GRIP2: variants seen among roughly 807,000 people sequenced by gnomAD.
The protein encoded by GRIP2 is glutamate receptor interacting protein 2, also known as glutamate receptor-interacting protein 2.
GRIP2 carries 58 observed loss-of-function variants against 108.3 expected under a neutral mutation model. The ratio of observed to expected loss-of-function variants is 0.54; its 90% CI spans 0.43 to 0.67. The LOEUF is 0.67. Ranked by LOEUF, GRIP2 falls within the 30% of genes least tolerant of loss-of-function variation. The pLI is 0.00. For missense variants in GRIP2, 1,278 were observed against 1,430.6 expected (o/e 0.89, Z 1.72); for synonymous variants, 586 against 598.2 (o/e 0.98, Z 0.30).
intron 4 of GRIP2, chr3:14,523,918 T>TGG: frequency 1.8e-6 from 1 of 562,874 alleles, no homozygotes; most frequent in South Asian, 2.3e-5. Context: ...GGCCTGCCCA[T>TGG]GCTCACAGAG....
intron 19 of GRIP2, 145 bp downstream of exon 19, chr3:14,506,656 G>A (rs1693935709): frequency 4.1e-6 from 3 of 723,606 alleles, no homozygotes; most frequent in Non-Finnish European, 6.3e-6. Context: ...GCCAAATCAG[G>A]TCTTCCTTCA....
chr3:14,602,624 C>A, the GRIP2 span, among the ~76,000 whole-genome samples: 20 of 151,776 alleles, frequency 1.3e-4, no homozygotes, highest in African/African-American at 4.8e-4. This position sits in a 1 kb window ranked among gnomAD's most constrained non-coding sequence, Gnocchi z 4.7. Context: ...AGGGCTCAGA[C>A]CCTTCGCTCC....
the GRIP2 span, among the ~76,000 whole-genome samples, chr3:14,575,504 C>T: frequency 6.6e-6 from 1 of 152,234 alleles, no homozygotes; most frequent in Admixed American, 6.5e-5. Flanking sequence ...AAGCCCCCAG[C>T]ATAGCAGCCG....
the GRIP2 span, among the ~76,000 whole-genome samples, chr3:14,564,309 G>A: frequency 6.6e-6 from 1 of 152,222 alleles, no homozygotes; most frequent in Admixed American, 6.5e-5. Context: ...CGCGTGGGTG[G>A]AGGTGTCGGA....
At chr3:14,504,575 G>T (rs528144760) in intron 20 of GRIP2, among the ~76,000 whole-genome samples, 5 of 152,298 alleles carry the variant, frequency 3.3e-5, no homozygotes, top group Admixed American at 3.3e-4. Flanking sequence ...CTCCTGAAGT[G>T]CTGGGATTAC....
At chr3:14,555,291 G>A (rs1695218981) in intron 1 of GRIP2, among the ~76,000 whole-genome samples, 1 of 148,118 alleles carries the variant, frequency 6.8e-6, no homozygotes, top group Admixed American at 6.7e-5. Flanking sequence ...CACACACAGC[G>A]CCCCTGCCAG....
chr3:14,540,399 G>A (rs781694428), upstream of GRIP2: 7 of 1,608,138 alleles, frequency 4.4e-6, no homozygotes, highest in African/African-American at 8.0e-5. The surrounding 1 kb of genome is among the most constrained non-coding windows in gnomAD (Gnocchi z 4.1). Context: ...GGCTGTGGGA[G>A]GGAAGCTCAC....
At chr3:14,498,384 G>A (rs769437646) in intron 21 of GRIP2, among the ~76,000 whole-genome samples, 1 of 152,146 alleles carries the variant, frequency 6.6e-6, no homozygotes, top group Non-Finnish European at 1.5e-5. Context: ...GATCAGCTGA[G>A]CCTGGGAGGT....
In GRIP2 at chr3:14,507,666, C is replaced by A. The variant is rs774813464; in HGVS notation, c.2113G>T (p.Ala705Ser). 4.9e-5 allele frequency: 79 copies of A among 1,613,848 alleles called. No homozygotes were observed. Among genetic ancestry groups the A allele is most frequent in the Non-Finnish European group, 2.5e-6 (3 of 1,179,886 alleles). ...CCCTTGAGGCTAACGTTGTTGATGGCCAGAATGCGGTCCCCCACGTGGATG... is the reference window on the plus strand; with the variant it reads ...CCCTTGAGGCTAACGTTGTTGATGGACAGAATGCGGTCCCCCACGTGGATG... ...GAIHVGDRIL[A>S]INNVSLKGRP... The change falls in exon 18 of 24, where the codon GCC becomes TCC. Residue 705 changes from alanine to serine, a missense_variant. Transcript: ENST00000621039. The surrounding 1 kb of genome is among the most constrained non-coding windows in gnomAD (Gnocchi z 4.6).
chr3:14,538,094 C>T (rs1694875798), intron 1 of GRIP2, among the ~76,000 whole-genome samples: 1 of 151,858 alleles, frequency 6.6e-6, no homozygotes, highest in African/African-American at 2.4e-5. Flanking sequence ...GAGAAGGGAC[C>T]CACCCAGAGT....
chr3:14,507,465 G>A lies in GRIP2; in HGVS notation c.2218+96C>T, dbSNP rs1178051861. 5.5e-6 allele frequency: 8 copies of A among 1,457,336 alleles called. No individual in the cohort carries two copies. Among genetic ancestry groups the A allele is most frequent in the Non-Finnish European group, 7.6e-6 (8 of 1,052,650 alleles). 90.3% of individuals were successfully genotyped at this position (1,457,336 alleles called of 1,614,324 possible). A position where few individuals can be genotyped will look rare whatever the true frequency, so the allele number is the denominator to read the frequency against. The stretch of plus-strand genomic sequence containing the variant: ...AGGCCCGCCTCCACAGGGCTGCAGT[G>A]AGGACTCTGTGAGGGTGTGCAGGCA... On this transcript the variant is annotated intron_variant, in intron 18 of 23. Coordinates refer to ENST00000621039, the MANE Select transcript of GRIP2 (RefSeq NM_001080423.4). The surrounding 1 kb of genome is among the most constrained non-coding windows in gnomAD (Gnocchi z 4.6).
Position 14,489,767 on chromosome 3 carries a change from C to T in GRIP2, c.*3898G>A, listed in dbSNP as rs1175166129. 1 of 152,300 alleles carries T rather than the reference C, an allele frequency of 6.6e-6. No homozygotes were observed. The allele number at this position is 152,300 out of a possible 1,614,324, so 9.4% of individuals were successfully genotyped here. On this transcript the variant is annotated 3_prime_UTR_variant, in exon 24 of 24. Transcript: ENST00000621039. Reference sequence around the variant, plus strand: ...CACCTGCTGCGGCTTTCAGTCCCTCCTCTTTAGCCTTGGGCTGACCTGCCA... The same window carrying T: ...CACCTGCTGCGGCTTTCAGTCCCTCTTCTTTAGCCTTGGGCTGACCTGCCA...
chr3:14,593,232 G>C, the GRIP2 span, among the ~76,000 whole-genome samples: 2 of 152,184 alleles, frequency 1.3e-5, no homozygotes, highest in East Asian at 3.8e-4. Context: ...CTTACATCTT[G>C]AGAGAATATT....
chr3:14,572,817 G>A, the GRIP2 span: 1 of 874,948 alleles, frequency 1.1e-6, no homozygotes, highest in South Asian at 1.5e-5. Context: ...CTGGCCTGCT[G>A]GAGCGCATGG....
At chr3:14,567,431 C>T in the GRIP2 span, among the ~76,000 whole-genome samples, 27 of 152,228 alleles carry the variant, frequency 1.8e-4, no homozygotes, top group Admixed American at 8.5e-4. Flanking sequence ...CACATGGCAT[C>T]CCAGGAGTCA....
chr3:14,565,542 A>G, the GRIP2 span, among the ~76,000 whole-genome samples: 1 of 151,722 alleles, frequency 6.6e-6, no homozygotes, highest in Admixed American at 6.6e-5. Context: ...CTCTCTCCCT[A>G]CCTCCCCAAC....
upstream of GRIP2, among the ~76,000 whole-genome samples, chr3:14,543,426 C>G (rs192796572): frequency 3.9e-5 from 6 of 152,344 alleles, no homozygotes; most frequent in Admixed American, 1.3e-4. Context: ...GACAGCTTTG[C>G]AAGCACCTCA....
chr3:14,536,425 A>G (rs1694834881), intron 1 of GRIP2, among the ~76,000 whole-genome samples: 1 of 152,202 alleles, frequency 6.6e-6, no homozygotes, highest in Admixed American at 6.5e-5. Context: ...CCCTCCAAAC[A>G]GGAGGGCAAC....
upstream of GRIP2, among the ~76,000 whole-genome samples, chr3:14,560,455 G>T (rs1011696101): frequency 4.6e-5 from 7 of 152,122 alleles, no homozygotes; most frequent in African/African-American, 1.4e-4. Flanking sequence ...AGCTCCAGGA[G>T]AGCCTTGACC....
Sources: allele counts gnomAD v4.1 joint callset (sites outside exome capture counted in the v4.1 genomes callset), GRCh38; gene constraint gnomAD v4.1.1; non-coding constraint Gnocchi (gnomAD v3.1); transcripts MANE v1.5; gene names NCBI Gene and HGNC (gene_info 2026-07-23, HGNC 2026-07-21).